The following ZNF454 variants were observed in gnomAD, a reference collection of about 807,000 sequenced individuals.
ZNF454 encodes zinc finger protein 454.
In ZNF454, 30 loss-of-function variants were observed where a neutral mutation model predicts 48.2. The observed-to-expected ratio is 0.62, with a 90% confidence interval of 0.47 to 0.84. The LOEUF (loss-of-function observed/expected upper bound fraction) is 0.84. Ranked by LOEUF, ZNF454 falls within the 40% of genes least tolerant of loss-of-function variation. ZNF454 has a pLI of 0.00. For synonymous variants in ZNF454, 204 were observed against 211.4 expected, an observed-to-expected ratio of 0.97 and a Z score of 0.30; for missense variants, 510 against 623.1, an observed-to-expected ratio of 0.82 and a Z score of 1.93.
In ZNF454 at chr5:178,965,352, C is replaced by A; in HGVS notation, c.948C>A (p.Thr316=). 6.2e-7 allele frequency: 1 copy of A among 1,614,098 alleles called. No homozygotes were observed. Among genetic ancestry groups the A allele is most frequent in the East Asian group, 2.2e-5 (1 of 44,874 alleles). The change falls in exon 5 of 5, where the codon ACC becomes ACA. Residue 316 remains threonine, a synonymous_variant. Coordinates refer to ENST00000519564, the MANE Select transcript of ZNF454 (RefSeq NM_001178089.3). This position sits in a 1 kb window ranked among gnomAD's most constrained non-coding sequence, Gnocchi z 5.2. ...EKAFVCRAHL[T]KHQNIHSGEK... is the part of the protein sequence containing the mutation. The stretch of plus-strand genomic sequence containing the variant: ...CCTTTGTGTGCAGGGCACACCTTAC[C>A]AAACACCAGAATATCCACAGTGGAG...
In ZNF454 at chr5:178,965,654, G is replaced by A; in HGVS notation, c.1250G>A (p.Cys417Tyr). Residue 417 changes from cysteine to tyrosine, a missense_variant, in exon 5 of 5, where the codon TGT becomes TAT. Coordinates refer to ENST00000519564, the MANE Select transcript of ZNF454 (RefSeq NM_001178089.3). The surrounding 1 kb of genome is among the most constrained non-coding windows in gnomAD (Gnocchi z 5.2). ...GAGAAACCTTACAGATGTGGCTTGT[G>A]TGAGAAAGCCTTTCGGGACCAATCA... is the stretch of plus-strand genomic sequence containing the variant. ...TGEKPYRCGLCEKAFRDQSAL... is the reference protein window; with the variant it reads ...TGEKPYRCGLYEKAFRDQSAL... 1 of 1,614,134 alleles carries A rather than the reference G, an allele frequency of 6.2e-7. No homozygotes were observed. Among genetic ancestry groups the A allele is most frequent in the Non-Finnish European group, 8.5e-7 (1 of 1,180,034 alleles).
the ZNF454 span, chr5:178,979,869 G>C: frequency 1.9e-5 from 3 of 154,322 alleles, no homozygotes; most frequent in Admixed American, 6.5e-5. Flanking sequence ...ATACAATCAC[G>C]AGGGTGGAAC....
chr5:178,982,230 T>C, the ZNF454 span, among the ~76,000 whole-genome samples: 1 of 152,172 alleles, frequency 6.6e-6, no homozygotes, highest in Non-Finnish European at 1.5e-5. Context: ...TTCTGCCGCA[T>C]ACGTGAATAA....
At chr5:178,987,241 G>T in the ZNF454 span, 1 of 638,442 alleles carries the variant, frequency 1.6e-6, no homozygotes. Context: ...AAAGGCTGCA[G>T]CCGCTGCAGA....
the ZNF454 span, chr5:178,983,517 G>A: frequency 4.9e-6 from 3 of 610,862 alleles, no homozygotes; most frequent in Non-Finnish European, 9.2e-6. Context: ...GGGCAGCTTG[G>A]TGTCCTCTTC....
chr5:178,943,706 G>T (rs1483473453), intron 2 of ZNF454, among the ~76,000 whole-genome samples: 1 of 152,094 alleles, frequency 6.6e-6, no homozygotes, highest in Non-Finnish European at 1.5e-5. Context: ...TTCCTAAAAC[G>T]CTTTGAGCAG....
chr5:178,989,275 G>A, the ZNF454 span: 1 of 1,582,866 alleles, frequency 6.3e-7, no homozygotes, highest in South Asian at 1.1e-5. Context: ...CTGTGCATTT[G>A]CGGGTGGAAT....
chr5:178,989,140 C>A, the ZNF454 span: 2 of 1,613,224 alleles, frequency 1.2e-6, no homozygotes, highest in East Asian at 4.5e-5. Context: ...CCTCGCCTGT[C>A]CTAGGGATGC....
In ZNF454 at chr5:178,965,613, G is replaced by A. The variant is rs1292997183; in HGVS notation, c.1209G>A (p.Arg403=). The stretch of plus-strand genomic sequence containing the variant: ...ATAATTCATCCTTTGCACGACATCG[G>A]AAAATTCACACTGGAGAGAAACCTT... ...FRDNSSFARH[R]KIHTGEKPYR... is the part of the protein sequence containing the mutation. The change falls in exon 5 of 5, where the codon CGG becomes CGA. Residue 403 remains arginine (R), a synonymous_variant. Coordinates refer to ENST00000519564, the MANE Select transcript of ZNF454 (RefSeq NM_001178089.3). The surrounding 1 kb of genome is among the most constrained non-coding windows in gnomAD (Gnocchi z 5.2). 3 of 1,614,098 alleles carry A rather than the reference G, an allele frequency of 1.9e-6. No individual in the cohort carries two copies. The highest frequency in any genetic ancestry group is 8.5e-7 in the Non-Finnish European group (1 of 1,180,024).
In ZNF454 at chr5:178,957,293, C is replaced by G. The variant is rs553880696; in HGVS notation, c.251-7362C>G. Among the ~76,000 whole-genome samples, 6 of 152,300 alleles carry G rather than the reference C, an allele frequency of 3.9e-5. No homozygotes were observed. In the South Asian group the frequency reaches 1.2e-3, roughly 32 times the overall value. On this transcript the variant is annotated intron_variant, in intron 4 of 4. Transcript: ENST00000519564. Reference sequence around the variant, plus strand: ...TGAATTGGTCTAGCGTTTGGTCCCTCCCTGGGTGTGACCTCTTGACAACAT... The same window carrying G: ...TGAATTGGTCTAGCGTTTGGTCCCTGCCTGGGTGTGACCTCTTGACAACAT...
intron 4 of ZNF454, among the ~76,000 whole-genome samples, chr5:178,961,554 G>A (rs920188358): frequency 4.0e-5 from 6 of 151,534 alleles, no homozygotes; most frequent in South Asian, 2.1e-4. Flanking sequence ...GGTGGCTCAC[G>A]CCTGTAATCC....
At chr5:178,984,343 C>T in the ZNF454 span, among the ~76,000 whole-genome samples, 1 of 152,178 alleles carries the variant, frequency 6.6e-6, no homozygotes, top group African/African-American at 2.4e-5. Context: ...GAGCAAAGGA[C>T]AGGAACAGGC....
Position 178,946,042 on chromosome 5 carries a change from G to A in ZNF454, c.34-317G>A, listed in dbSNP as rs1234977979. 6.6e-6 allele frequency among the ~76,000 whole-genome samples: 1 copy of A among 152,118 alleles called. No individual in the cohort carries two copies. The highest frequency in any genetic ancestry group is 6.5e-5 in the Admixed American group (1 of 15,280). On this transcript the variant is annotated intron_variant, in intron 2 of 4. Transcript: ENST00000519564. This position sits in a 1 kb window ranked among gnomAD's most constrained non-coding sequence, Gnocchi z 4.5. ...TAGGATTTGGTCCCCTGGGGTGAGC[G>A]GAGAGGCAGGGCTAGGCGGTTTGAG... is the stretch of plus-strand genomic sequence containing the variant.
the ZNF454 span, chr5:178,986,224 C>A: frequency 1.2e-6 from 2 of 1,614,126 alleles, no homozygotes; most frequent in Non-Finnish European, 1.7e-6. Flanking sequence ...CTCAAAGATG[C>A]GGTAGATACG....
chr5:178,971,403 G>A (rs1020753647), downstream of ZNF454, among the ~76,000 whole-genome samples: 8 of 152,124 alleles, frequency 5.3e-5, no homozygotes, highest in Non-Finnish European at 1.0e-4. Context: ...TAAGGATGGG[G>A]GTGTCCCTAG....
the ZNF454 span, among the ~76,000 whole-genome samples, chr5:178,972,863 G>A: frequency 1.3e-5 from 2 of 152,086 alleles, no homozygotes; most frequent in Admixed American, 6.6e-5. Flanking sequence ...CTATCTTATC[G>A]CCAACTCGGA....
At chr5:178,942,912 A>T in intron 2 of ZNF454, 88 bp downstream of exon 2, 3 of 1,474,666 alleles carry the variant, frequency 2.0e-6, no homozygotes, top group Non-Finnish European at 2.8e-6. Flanking sequence ...CTTTATTCCC[A>T]ATCCAGTCCC....
chr5:178,954,807 G>T (rs141837118), intron 4 of ZNF454, among the ~76,000 whole-genome samples: 218 of 152,326 alleles, frequency 1.4e-3, no homozygotes, highest in African/African-American at 5.1e-3. Context: ...GAATGGAGTT[G>T]CCCAGTGCGT....
the ZNF454 span, chr5:178,985,593 CT>C: frequency 8.6e-6 from 3 of 348,558 alleles, no homozygotes; most frequent in African/African-American, 2.2e-5. Context: ...GTCCCAGCTA[CT>C]CGGGAGGCTG....
Sources: gnomAD v4.1 joint callset for allele counts (sites outside exome capture counted in the v4.1 genomes callset) on GRCh38, gnomAD v4.1.1 for gene constraint, Gnocchi (gnomAD v3.1) non-coding constraint, MANE v1.5 for transcripts, NCBI Gene and HGNC (gene_info 2026-07-23, HGNC 2026-07-21) for gene names.